TMC2: variants seen among roughly 807,000 people sequenced by gnomAD.
TMC2 encodes the protein transmembrane channel like 2, also known as transmembrane channel-like protein 2.
A neutral mutation model predicts 105.9 loss-of-function variants in TMC2; 102 were observed. The observed-to-expected ratio is 0.96, with a 90% CI of 0.82 to 1.14. The LOEUF (loss-of-function observed/expected upper bound fraction) is 1.14, where lower values mean the gene tolerates loss of function less well. Ranked by LOEUF, TMC2 falls within the 50% of genes most tolerant of loss-of-function variation. The pLI is 0.00. For missense variants in TMC2, 1,093 were observed against 1,134.3 expected (o/e 0.96, Z 0.52); for synonymous variants, 402 against 422.8 (o/e 0.95, Z 0.60).
chr20:2,604,765 A>G (rs1373056813), intron 11 of TMC2, among the ~76,000 whole-genome samples: 4 of 152,354 alleles, frequency 2.6e-5, no homozygotes, highest in African/African-American at 9.6e-5. Context: ...GATTTAATCA[A>G]TCATGACTAC....
intron 2 of TMC2, among the ~76,000 whole-genome samples, chr20:2,556,795 C>T (rs1041298450): frequency 1.4e-4 from 22 of 151,734 alleles, no homozygotes; most frequent in African/African-American, 3.6e-4. Flanking sequence ...AAATTATCTC[C>T]GTTTTTGTTT....
intron 11 of TMC2, among the ~76,000 whole-genome samples, chr20:2,603,383 T>A (rs117495345): frequency 0.015 from 2,277 of 152,234 alleles, 24 homozygotes; most frequent in Non-Finnish European, 0.025. Context: ...ATGGCATTGA[T>A]AGGAGGACAA....
intron 11 of TMC2, among the ~76,000 whole-genome samples, chr20:2,606,706 T>A (rs1321422736): frequency 6.6e-6 from 1 of 151,970 alleles, no homozygotes; most frequent in Non-Finnish European, 1.5e-5. Flanking sequence ...TGTTGAATCT[T>A]CTTTGTCTCT....
rs962125504 is a variant in TMC2 at position 2,621,650 on chromosome 20, C to T, written c.2181-2621C>T. Among the ~76,000 whole-genome samples the T allele has an allele frequency of 3.9e-5, 6 of 152,154 alleles. 1 individual carries two copies. The highest frequency in any genetic ancestry group is 9.7e-5 in the African/African-American group (4 of 41,448). On this transcript the variant is annotated intron_variant, in intron 16 of 19. Transcript: ENST00000358864. ...TGCCACTGCACTCCAGACTGGGCAA[C>T]GAGCAAGACTCTGTCTCAAAAAATA... is the stretch of plus-strand genomic sequence containing the variant.
At chr20:2,614,261 A>G (rs886839258) in intron 14 of TMC2, among the ~76,000 whole-genome samples, 32 of 152,214 alleles carry the variant, frequency 2.1e-4, no homozygotes, top group African/African-American at 7.5e-4. Context: ...AAATAATACT[A>G]AAGTTCATTT....
chr20:2,565,993 ATGCCGC>A (rs766413019), intron 4 of TMC2, among the ~76,000 whole-genome samples: 9 of 152,170 alleles, frequency 5.9e-5, no homozygotes, highest in Non-Finnish European at 7.4e-5. Flanking sequence ...AGCCGAGATC[ATGCCGC>A]TGCACTCCAG....
intron 16 of TMC2, 93 bp downstream of exon 16, chr20:2,617,404 A>G (rs2086492535): frequency 1.3e-6 from 2 of 1,510,688 alleles, no homozygotes; most frequent in South Asian, 1.2e-5. Context: ...GTTTCATGCC[A>G]GCCTGTAAAA....
chr20:2,536,685 C>T (rs370597709), intron 1 of TMC2, 30 bp downstream of exon 1: 21 of 1,563,362 alleles, frequency 1.3e-5, no homozygotes, highest in African/African-American at 9.5e-5. Context: ...CTGCGGGGCC[C>T]GCCCACAGGG....
intron 12 of TMC2, among the ~76,000 whole-genome samples, chr20:2,611,625 C>G (rs2086438912): frequency 6.6e-6 from 1 of 152,164 alleles, no homozygotes; most frequent in Non-Finnish European, 1.5e-5. Context: ...TCTCACAGCT[C>G]GTATCAGTCT....
intron 2 of TMC2, among the ~76,000 whole-genome samples, chr20:2,550,931 G>A (rs1339103748): frequency 6.6e-6 from 1 of 152,180 alleles, no homozygotes; most frequent in Non-Finnish European, 1.5e-5. Context: ...TATGAATAAG[G>A]TGGCCGTAAA....
intron 7 of TMC2, among the ~76,000 whole-genome samples, chr20:2,591,114 G>A (rs1437230393): frequency 6.6e-6 from 1 of 151,834 alleles, no homozygotes; most frequent in Non-Finnish European, 1.5e-5. Context: ...ATATGAATAA[G>A]GGCATATGTA....
At chr20:2,559,200 G>A (rs1451422747) in intron 3 of TMC2, among the ~76,000 whole-genome samples, 1 of 152,236 alleles carries the variant, frequency 6.6e-6, no homozygotes, top group Non-Finnish European at 1.5e-5. Flanking sequence ...GGAACCATCT[G>A]AGGGCTTAAG....
chr20:2,613,278 C>T lies in TMC2; in HGVS notation c.1828C>T (p.Arg610Trp), dbSNP rs138165699. 7.4e-6 allele frequency: 12 copies of T among 1,613,854 alleles called. No homozygotes were observed. The highest frequency in any genetic ancestry group is 2.2e-5 in the East Asian group (1 of 44,884). ...LGDFLRACFV[R>W]FMNYCWCWDL... Reference sequence around the variant, plus strand: ...GGACTTCCTACGGGCTTGTTTTGTGCGGTTCATGAACTACTGCTGGTGCTG... The same window carrying T: ...GGACTTCCTACGGGCTTGTTTTGTGTGGTTCATGAACTACTGCTGGTGCTG... Residue 610 changes from arginine (R) to tryptophan (W), a missense_variant, in exon 14 of 20, where the codon CGG becomes TGG. Arg to Trp is a moderately radical substitution (Grantham distance 101). Coordinates refer to ENST00000358864, the MANE Select transcript of TMC2 (RefSeq NM_080751.3).
intron 7 of TMC2, among the ~76,000 whole-genome samples, chr20:2,581,976 A>AAGAG (rs373484242): frequency 1.3e-5 from 2 of 151,386 alleles, no homozygotes; most frequent in East Asian, 1.9e-4. Context: ...GGTTGAGAGT[A>AAGAG]AGAGAGAGAG....
Position 2,558,843 on chromosome 20 carries a change from C to T in TMC2, c.401+69C>T, listed in dbSNP as rs2086004191. 1 of 1,437,040 alleles carries T rather than the reference C, an allele frequency of 7.0e-7. No individual in the cohort carries two copies. The highest frequency in any genetic ancestry group is 1.5e-5 in the South Asian group (1 of 68,310). The allele number at this position is 1,437,040 out of a possible 1,614,324, so 89.0% of individuals were successfully genotyped here. ...CGCTCCTTCGCGGCCCTTCCCCTTC[C>T]CCCGTGAGGGACTGATGCCCCCCTC... On this transcript the variant is annotated intron_variant, in intron 3 of 19. Coordinates refer to ENST00000358864, the MANE Select transcript of TMC2 (RefSeq NM_080751.3). This position sits in a 1 kb window ranked among gnomAD's most constrained non-coding sequence, Gnocchi z 4.6.
chr20:2,622,084 C>G (rs888320226), intron 16 of TMC2, among the ~76,000 whole-genome samples: 4 of 152,164 alleles, frequency 2.6e-5, no homozygotes, highest in Admixed American at 6.5e-5. Context: ...GTGCCTGGCA[C>G]TTGAAATGCC....
intron 4 of TMC2, among the ~76,000 whole-genome samples, chr20:2,569,787 C>T (rs373334430): frequency 6.6e-6 from 1 of 152,186 alleles, no homozygotes; most frequent in African/African-American, 2.4e-5. Context: ...CTGCAGTTCT[C>T]ACCCAGGGCT....
At chr20:2,540,230 C>A (rs920094575) in intron 2 of TMC2, among the ~76,000 whole-genome samples, 1 of 151,552 alleles carries the variant, frequency 6.6e-6, no homozygotes, top group Non-Finnish European at 1.5e-5. Flanking sequence ...ACCTCGTGAT[C>A]CACCCGCCTC....
intron 14 of TMC2, among the ~76,000 whole-genome samples, 195 bp from the exon 15 acceptor site, chr20:2,615,942 T>C (rs1178247234): frequency 6.6e-6 from 1 of 152,204 alleles, no homozygotes; most frequent in Non-Finnish European, 1.5e-5. Context: ...GAATGTCAAA[T>C]TTTTTGTTTA....
Sources: allele counts gnomAD v4.1 joint callset (sites outside exome capture counted in the v4.1 genomes callset), GRCh38; gene constraint gnomAD v4.1.1; non-coding constraint Gnocchi (gnomAD v3.1); transcripts MANE v1.5; gene names NCBI Gene and HGNC (gene_info 2026-07-23, HGNC 2026-07-21).